RGS7: variants seen among roughly 807,000 people sequenced by gnomAD.
RGS7 encodes the protein regulator of G-protein signaling 7.
In RGS7, 27 loss-of-function variants were observed where a neutral mutation model predicts 81.1. The ratio of observed to expected loss-of-function variants is 0.33; its 90% CI spans 0.25 to 0.46. The LOEUF (loss-of-function observed/expected upper bound fraction) is 0.46. RGS7 is among the 20% of genes least tolerant of loss of function. The probability of loss-of-function intolerance (pLI) is 1.00; values close to 1 mark genes in which losing one functional copy is unlikely to be tolerated. For missense variants in RGS7, 396 were observed against 607.4 expected (o/e 0.65, Z 3.66); for synonymous variants, 208 against 207.7 (o/e 1.00, Z -0.01).
chr1:241,347,986 C>T (rs2083009852), intron 2 of RGS7, among the ~76,000 whole-genome samples: 1 of 152,138 alleles, frequency 6.6e-6, no homozygotes, highest in African/African-American at 2.4e-5. Context: ...TATCTCTTGT[C>T]TTGGACTTGA....
intron 2 of RGS7, among the ~76,000 whole-genome samples, chr1:241,221,196 GAGAA>G (rs955395543): frequency 7.2e-5 from 11 of 151,808 alleles, no homozygotes; most frequent in Admixed American, 3.9e-4. Context: ...GAGAAAGAAA[GAGAA>G]AGAAAGAAAA....
At chr1:241,256,520 G>A (rs751968671) in intron 2 of RGS7, among the ~76,000 whole-genome samples, 8 of 152,156 alleles carry the variant, frequency 5.3e-5, no homozygotes, top group Non-Finnish European at 1.2e-4. Context: ...CTCAGGTCAG[G>A]TTGCCATAAC....
intron 2 of RGS7, among the ~76,000 whole-genome samples, chr1:241,106,770 A>ACACACACACACACACACACACACACACC (rs1439413513): frequency 1.3e-5 from 2 of 149,400 alleles, no homozygotes; most frequent in African/African-American, 4.9e-5. Flanking sequence ...ACACACACAC[A>ACACACACACACACACACACACACACACC]CACACACACA....
intron 3 of RGS7, among the ~76,000 whole-genome samples, chr1:241,058,473 T>G (rs2061584604): frequency 6.6e-6 from 1 of 152,214 alleles, no homozygotes; most frequent in South Asian, 2.1e-4. Context: ...GTACTTTGCT[T>G]TCTTTGAATT....
At chr1:241,154,291 A>T (rs2068960412) in intron 2 of RGS7, among the ~76,000 whole-genome samples, 1 of 152,112 alleles carries the variant, frequency 6.6e-6, no homozygotes, top group Non-Finnish European at 1.5e-5. Flanking sequence ...CTGCAAGGAG[A>T]CAAAGAGCCC....
At chr1:241,315,115 T>C (rs2080795230) in intron 2 of RGS7, among the ~76,000 whole-genome samples, 1 of 130,894 alleles carries the variant, frequency 7.6e-6, no homozygotes, top group Non-Finnish European at 1.6e-5. Flanking sequence ...TTCTTTTTTT[T>C]TTTTTTTTTT....
chr1:241,288,177 AT>A (rs2078919494), intron 2 of RGS7, among the ~76,000 whole-genome samples: 1 of 152,248 alleles, frequency 6.6e-6, no homozygotes, highest in African/African-American at 2.4e-5. Context: ...AGAAATGAAC[AT>A]TGGCAGATAT....
intron 2 of RGS7, among the ~76,000 whole-genome samples, chr1:241,330,992 C>T (rs1008981464): frequency 6.6e-6 from 1 of 152,174 alleles, no homozygotes; most frequent in African/African-American, 2.4e-5. Flanking sequence ...ATTAGTACAT[C>T]TCTATTTAGC....
chr1:241,329,087 A>C (rs1021166478), intron 2 of RGS7, among the ~76,000 whole-genome samples: 1 of 152,198 alleles, frequency 6.6e-6, no homozygotes, highest in Admixed American at 6.5e-5. Flanking sequence ...TTTCCATCTA[A>C]TAAAAAGCTT....
chr1:240,837,167 G>A (rs1694856157), intron 9 of RGS7, among the ~76,000 whole-genome samples: 1 of 152,156 alleles, frequency 6.6e-6, no homozygotes, highest in South Asian at 2.1e-4. Context: ...AAAAATCACT[G>A]GGCAGAAGCT....
intron 6 of RGS7, among the ~76,000 whole-genome samples, chr1:240,921,215 C>T (rs934347785): frequency 2.0e-5 from 3 of 151,934 alleles, no homozygotes; most frequent in Admixed American, 6.6e-5. Context: ...AGTGTTGGCA[C>T]ATCTTATGCA....
chr1:240,941,651 A>G lies in RGS7; in HGVS notation c.227-4945T>C, dbSNP rs574353773. Among the ~76,000 whole-genome samples the G allele has an allele frequency of 2.5e-4, 38 of 152,194 alleles. No individual in the cohort carries two copies. The East Asian group carries it at 7.0e-3, about 28-fold the overall frequency. On this transcript the variant is annotated intron_variant, in intron 4 of 18. Transcript: ENST00000440928. ...AGAAAATATAATAGTGATATTAACA[A>G]GATAAATGCCAGTAAGAATGGACTT...
intron 10 of RGS7, chr1:240,823,191 A>G (rs1402288338): frequency 9.4e-6 from 9 of 958,254 alleles, no homozygotes; most frequent in Non-Finnish European, 1.5e-5. Flanking sequence ...TATGCAGGAT[A>G]AGCGTGTCCA....
At chr1:241,355,617 A>G in intron 2 of RGS7, 82 bp downstream of exon 2, 1 of 1,197,938 alleles carries the variant, frequency 8.3e-7, no homozygotes, top group Non-Finnish European at 1.2e-6. Flanking sequence ...CACAAAGTTG[A>G]TACATACTCT....
intron 3 of RGS7, among the ~76,000 whole-genome samples, chr1:240,990,358 A>G (rs894400201): frequency 1.2e-4 from 19 of 152,250 alleles, no homozygotes; most frequent in African/African-American, 4.3e-4. Flanking sequence ...GAATGAAACG[A>G]ATATGTTATT....
At chr1:241,236,173 C>A (rs944631746) in intron 2 of RGS7, among the ~76,000 whole-genome samples, 4 of 149,488 alleles carry the variant, frequency 2.7e-5, no homozygotes, top group African/African-American at 9.8e-5. Context: ...GACCTCCGCC[C>A]CCCATATTTT....
intron 6 of RGS7, among the ~76,000 whole-genome samples, chr1:240,875,712 T>G (rs569131776): frequency 1.3e-5 from 2 of 152,368 alleles, no homozygotes; most frequent in Admixed American, 6.5e-5. Flanking sequence ...CTTTCATCTT[T>G]TCAATCAAAG....
At position 241,145,607 on chromosome 1, in the gene RGS7, T is replaced by C. The variant is rs144400331; in HGVS notation, c.79-46845A>G. ...GATTTCAAAGCCAGTTTGGCCAAGG[T>C]TGTGGCACATGCCTGCAATCCCAGC... On this transcript the variant is annotated intron_variant, in intron 2 of 18. Coordinates refer to ENST00000440928, the MANE Select transcript of RGS7 (RefSeq NM_001364886.1). Among the ~76,000 whole-genome samples the C allele has an allele frequency of 2.0e-5, 3 of 152,178 alleles. No individual in the cohort carries two copies. In the East Asian group the frequency reaches 5.8e-4, roughly 30 times the overall value.
At chr1:240,797,745 CT>C (rs1687315959) in intron 18 of RGS7, among the ~76,000 whole-genome samples, 1 of 152,090 alleles carries the variant, frequency 6.6e-6, no homozygotes, top group African/African-American at 2.4e-5. Flanking sequence ...GCATATGAAC[CT>C]TTTTGAAAGA....
Sources: gnomAD v4.1 joint callset for allele counts (sites outside exome capture counted in the v4.1 genomes callset) on GRCh38, gnomAD v4.1.1 for gene constraint, MANE v1.5 for transcripts, NCBI Gene and HGNC (gene_info 2026-07-23, HGNC 2026-07-21) for gene names.